Variants in CDH13 observed in about 807,000 individuals in gnomAD.
CDH13 encodes the protein cadherin 13.
In CDH13, 24 loss-of-function variants were observed where a neutral mutation model predicts 63.8. That is an observed-to-expected ratio of 0.38 (90% CI 0.27 to 0.53). CDH13 has a LOEUF of 0.53. CDH13 is among the 20% of genes least tolerant of loss of function. The probability of loss-of-function intolerance (pLI) is 0.85; values close to 1 mark genes in which losing one functional copy is unlikely to be tolerated. For missense variants in CDH13, 1,049 were observed against 903.1 expected, an observed-to-expected ratio of 1.16 and a Z score of -2.07; for synonymous variants, 503 against 355.3, an observed-to-expected ratio of 1.42 and a Z score of -4.67.
chr16:83,499,764 GTGGCCACA>G (rs1161105768), intron 7 of CDH13, among the ~76,000 whole-genome samples: 3 of 151,840 alleles, frequency 2.0e-5, no homozygotes, highest in Non-Finnish European at 4.4e-5. Context: ...TTTGGGTGCA[GTGGCCACA>G]TGTTATTTTT....
chr16:83,697,972 T>C (rs1236064371), intron 10 of CDH13, among the ~76,000 whole-genome samples: 1 of 152,188 alleles, frequency 6.6e-6, no homozygotes, highest in Non-Finnish European at 1.5e-5. Flanking sequence ...AGGACATAGC[T>C]ATGGTGAGTA....
At chr16:83,312,412 A>C (rs914164832) in intron 5 of CDH13, among the ~76,000 whole-genome samples, 1 of 152,244 alleles carries the variant, frequency 6.6e-6, no homozygotes, top group Non-Finnish European at 1.5e-5. Flanking sequence ...GAGCAAGTTC[A>C]GTTCTGGGGA....
At chr16:82,941,493 T>C (rs1904286327) in intron 2 of CDH13, among the ~76,000 whole-genome samples, 1 of 152,224 alleles carries the variant, frequency 6.6e-6, no homozygotes, top group Non-Finnish European at 1.5e-5. Flanking sequence ...CATTGCACAA[T>C]CCACGTGTAG....
chr16:83,479,481 C>G (rs966919139), intron 6 of CDH13, among the ~76,000 whole-genome samples: 4 of 152,134 alleles, frequency 2.6e-5, no homozygotes, highest in African/African-American at 9.6e-5. Flanking sequence ...ATGGTGAAAC[C>G]CCATCTCTAC....
chr16:83,325,903 C>T (rs923687549), intron 5 of CDH13, among the ~76,000 whole-genome samples: 8 of 152,134 alleles, frequency 5.3e-5, no homozygotes, highest in African/African-American at 1.7e-4. Flanking sequence ...ACTTACAGAA[C>T]GAAGTCCACA....
chr16:82,868,526 C>T (rs928894667), intron 2 of CDH13, among the ~76,000 whole-genome samples: 1 of 152,080 alleles, frequency 6.6e-6, no homozygotes, highest in Non-Finnish European at 1.5e-5. Flanking sequence ...GACTTGGGTC[C>T]TAACTTGTTC....
intron 7 of CDH13, among the ~76,000 whole-genome samples, chr16:83,601,816 C>T (rs1190850871): frequency 6.6e-6 from 1 of 151,946 alleles, no homozygotes; most frequent in Non-Finnish European, 1.5e-5. Context: ...ACGTAGGGGC[C>T]GGGCGTGGTG....
intron 6 of CDH13, among the ~76,000 whole-genome samples, chr16:83,350,530 C>G (rs932696652): frequency 2.7e-5 from 4 of 147,686 alleles, no homozygotes; most frequent in Non-Finnish European, 5.9e-5. Flanking sequence ...ACTTTCCCTC[C>G]CTCTCTTTCC....
intron 6 of CDH13, among the ~76,000 whole-genome samples, chr16:83,359,678 A>G (rs1024935415): frequency 6.6e-6 from 1 of 152,216 alleles, no homozygotes; most frequent in Admixed American, 6.5e-5. Context: ...TTATTTGTGC[A>G]CAGAATTAGA....
chr16:83,289,153 G>T (rs2089403373), intron 5 of CDH13, among the ~76,000 whole-genome samples: 1 of 152,218 alleles, frequency 6.6e-6, no homozygotes, highest in Admixed American at 6.5e-5. Context: ...TCTGCTGGAG[G>T]CGAAGACCAG....
chr16:83,565,941 C>G (rs753540139), intron 7 of CDH13, among the ~76,000 whole-genome samples: 1 of 152,192 alleles, frequency 6.6e-6, no homozygotes, highest in Non-Finnish European at 1.5e-5. Context: ...GATCTTTCTT[C>G]TTTCAGCACC....
intron 2 of CDH13, chr16:82,954,021 C>G (rs1031741220): frequency 4.3e-4 from 66 of 152,132 alleles, no homozygotes; most frequent in African/African-American, 1.5e-3. Context: ...CATTTATGGG[C>G]TCAGATAGTT....
Position 83,795,196 on chromosome 16 carries a change from A to G in CDH13, c.*166A>G. The G allele has an allele frequency of 3.5e-6, 2 of 577,418 alleles. No individual in the cohort carries two copies. The highest frequency in any genetic ancestry group is 6.1e-6 in the Non-Finnish European group (2 of 329,384). The allele number at this position is 577,418 out of a possible 1,614,324, so 35.8% of individuals were successfully genotyped here. A position where few individuals can be genotyped will look rare whatever the true frequency, so the allele number is the denominator to read the frequency against. On this transcript the variant is annotated 3_prime_UTR_variant, in exon 14 of 14. Coordinates refer to ENST00000567109, the MANE Select transcript of CDH13 (RefSeq NM_001257.5). ...TACAATTTCACTTAGTCTGTACTTC[A>G]TCATTTTGACAGCATCTTCCTCCCT...
At chr16:83,013,425 C>T (rs984852773) in intron 2 of CDH13, among the ~76,000 whole-genome samples, 1 of 152,144 alleles carries the variant, frequency 6.6e-6, no homozygotes, top group Non-Finnish European at 1.5e-5. Context: ...AGCAGAGCAG[C>T]CTTCTTTACG....
intron 5 of CDH13, among the ~76,000 whole-genome samples, chr16:83,249,712 A>C (rs769342515): frequency 1.3e-5 from 2 of 152,174 alleles, no homozygotes; most frequent in Non-Finnish European, 1.5e-5. Context: ...TCTGTCTCCA[A>C]TTCATGTCCA....
chr16:83,758,029 C>CA (rs1428560396), intron 11 of CDH13, among the ~76,000 whole-genome samples: 112 of 144,688 alleles, frequency 7.7e-4, no homozygotes, highest in African/African-American at 2.5e-3. Flanking sequence ...CACTCTGTCC[C>CA]AAAAAAAAAG....
chr16:83,388,767 T>C (rs933736262), intron 6 of CDH13, among the ~76,000 whole-genome samples: 1 of 152,148 alleles, frequency 6.6e-6, no homozygotes, highest in African/African-American at 2.4e-5. Context: ...ACCCTCTCCA[T>C]ACTTGCTCCC....
At chr16:83,724,016 A>G (rs1025360041) in intron 10 of CDH13, among the ~76,000 whole-genome samples, 4 of 152,096 alleles carry the variant, frequency 2.6e-5, no homozygotes, top group Admixed American at 2.6e-4. Flanking sequence ...TGATGAATGC[A>G]TGGGTGGGTG....
intron 7 of CDH13, among the ~76,000 whole-genome samples, chr16:83,487,044 C>A (rs982254542): frequency 5.6e-4 from 85 of 152,268 alleles, no homozygotes; most frequent in African/African-American, 1.9e-3. Context: ...CACAGGCTGT[C>A]CTTGTTGCAG....
Sources: allele counts gnomAD v4.1 joint callset (sites outside exome capture counted in the v4.1 genomes callset), GRCh38; gene constraint gnomAD v4.1.1; transcripts MANE v1.5; gene names NCBI Gene and HGNC (gene_info 2026-07-23, HGNC 2026-07-21).